LRBA: variants seen among roughly 807,000 people sequenced by gnomAD.
LRBA encodes the protein lipopolysaccharide-responsive and beige-like anchor protein.
In LRBA, 176 loss-of-function variants were observed where a neutral mutation model predicts 330.0. The observed-to-expected ratio is 0.53, with a 90% CI of 0.47 to 0.60. The LOEUF is 0.60. Ranked by LOEUF, LRBA falls within the 20% of genes least tolerant of loss-of-function variation. The pLI, the probability that LRBA is intolerant of heterozygous loss-of-function variation, is 0.00. For synonymous variants in LRBA, 1,230 were observed against 1,193.0 expected, an observed-to-expected ratio of 1.03 and a Z score of -0.64; for missense variants, 3,259 against 3,444.8, an observed-to-expected ratio of 0.95 and a Z score of 1.35.
chr4:150,908,999 A>G, intron 9 of LRBA, 142 bp from the exon 10 acceptor site: 1 of 560,026 alleles, frequency 1.8e-6, no homozygotes, highest in South Asian at 2.9e-5. Flanking sequence ...GTTTACTTCT[A>G]AAATTGGCTG....
At chr4:150,510,425 G>A (rs1761694697) in intron 40 of LRBA, among the ~76,000 whole-genome samples, 1 of 152,104 alleles carries the variant, frequency 6.6e-6, no homozygotes, top group South Asian at 2.1e-4. Flanking sequence ...TAAGTAAAAA[G>A]GCAGTCTGCA....
In LRBA at chr4:150,780,570, A is replaced by G. The variant is rs557378125; in HGVS notation, c.5580+17511T>C. On this transcript the variant is annotated intron_variant, in intron 34 of 56. Coordinates refer to ENST00000651943, the MANE Select transcript of LRBA (RefSeq NM_001364905.1). Reference sequence around the variant, plus strand: ...ACTCAGTAACTCTTATCAAATATTTATCAATGTTCTCAATGAGACAATAGC... The same window carrying G: ...ACTCAGTAACTCTTATCAAATATTTGTCAATGTTCTCAATGAGACAATAGC... Among the ~76,000 whole-genome samples, 12 of 25,950 alleles carry G rather than the reference A, an allele frequency of 4.6e-4. No homozygotes were observed. In the East Asian group the frequency reaches 5.4e-3, roughly 12 times the overall value. 17.0% of individuals were successfully genotyped at this position (25,950 alleles called of 152,430 possible).
At chr4:150,929,128 T>C in intron 2 of LRBA, 63 bp from the exon 3 acceptor site, 1 of 975,478 alleles carries the variant, frequency 1.0e-6, no homozygotes, top group Non-Finnish European at 1.6e-6. Context: ...CTATAGCATG[T>C]TCCTAAACAT....
chr4:150,756,521 T>C (rs1161859732), intron 35 of LRBA, among the ~76,000 whole-genome samples: 1 of 152,090 alleles, frequency 6.6e-6, no homozygotes, highest in Non-Finnish European at 1.5e-5. Context: ...AAGAATTGAG[T>C]TGAAAAATGT....
intron 37 of LRBA, among the ~76,000 whole-genome samples, chr4:150,664,128 G>T (rs1218788298): frequency 6.6e-6 from 1 of 152,202 alleles, no homozygotes; most frequent in Non-Finnish European, 1.5e-5. Flanking sequence ...CAATGAAGTG[G>T]TTTTAATAAT....
At chr4:150,858,381 T>C (rs1451806372) in intron 22 of LRBA, among the ~76,000 whole-genome samples, 1 of 151,668 alleles carries the variant, frequency 6.6e-6, no homozygotes, top group Non-Finnish European at 1.5e-5. Flanking sequence ...CTCTCTCTTT[T>C]TCTTTTTTTT....
At chr4:150,842,589 AG>A (rs947909145) in intron 28 of LRBA, among the ~76,000 whole-genome samples, 2 of 152,252 alleles carry the variant, frequency 1.3e-5, no homozygotes, top group African/African-American at 4.8e-5. Context: ...CCACATTCAA[AG>A]GATTCCAGGG....
intron 37 of LRBA, among the ~76,000 whole-genome samples, chr4:150,649,512 A>C (rs1303459088): frequency 6.6e-6 from 1 of 152,118 alleles, no homozygotes; most frequent in Non-Finnish European, 1.5e-5. Context: ...TCACACTTTG[A>C]TCTATAACTC....
chr4:150,350,233 A>G, intron 47 of LRBA, 74 bp from the exon 48 acceptor site: 1 of 1,197,016 alleles, frequency 8.4e-7, no homozygotes, highest in East Asian at 2.7e-5. Flanking sequence ...TAGAGCAATC[A>G]GTAAAGTTTA....
At chr4:150,401,323 A>G (rs372601878) in intron 47 of LRBA, among the ~76,000 whole-genome samples, 1 of 152,240 alleles carries the variant, frequency 6.6e-6, no homozygotes, top group Non-Finnish European at 1.5e-5. Context: ...TTCACTTAAC[A>G]TTGTCAACAG....
At chr4:150,291,721 G>A (rs1728321622) in intron 53 of LRBA, among the ~76,000 whole-genome samples, 1 of 143,454 alleles carries the variant, frequency 7.0e-6, no homozygotes. Context: ...TCCCATTACT[G>A]GGTATATACC....
intron 40 of LRBA, chr4:150,581,753 T>C: frequency 6.5e-6 from 1 of 153,216 alleles, no homozygotes; most frequent in South Asian, 2.1e-4. Context: ...TTTACCCTGT[T>C]TCTTTATCAA....
At chr4:150,376,791 G>A (rs541788775) in intron 47 of LRBA, among the ~76,000 whole-genome samples, 1 of 152,214 alleles carries the variant, frequency 6.6e-6, no homozygotes, top group Admixed American at 6.5e-5. Flanking sequence ...GGGTGTTTTT[G>A]TTTTGTTTTG....
chr4:150,429,872 G>C (rs1461900952), intron 46 of LRBA, among the ~76,000 whole-genome samples: 6 of 151,970 alleles, frequency 3.9e-5, no homozygotes, highest in Admixed American at 3.9e-4. Context: ...GCTAACTAAA[G>C]AACTATGTCT....
rs1262655894 is a variant in LRBA at position 150,264,675 on chromosome 4, AATTT to A, written c.*1043_*1046del. On this transcript the variant is annotated 3_prime_UTR_variant, in exon 57 of 57. Coordinates refer to ENST00000651943, the MANE Select transcript of LRBA (RefSeq NM_001364905.1). ...AGATCAAAGTTCACAACATACAAAGAATTTATTTATGCAATACAGGCCTTTTCTC... is the reference window on the plus strand; with the variant it reads ...AGATCAAAGTTCACAACATACAAAGAATTTATGCAATACAGGCCTTTTCTC... 2 of 152,668 alleles carry A rather than the reference AATTT, an allele frequency of 1.3e-5. No homozygotes were observed. The highest frequency in any genetic ancestry group is 2.9e-5 in the Non-Finnish European group (2 of 68,038). 9.5% of individuals were successfully genotyped at this position (152,668 alleles called of 1,614,324 possible).
intron 12 of LRBA, 128 bp downstream of exon 12, chr4:150,906,169 T>C (rs1368824733): frequency 5.0e-6 from 4 of 805,244 alleles, no homozygotes; most frequent in East Asian, 2.5e-5. Context: ...AACAAAATGT[T>C]ATTTTAGTTT....
chr4:150,431,934 G>A (rs1361018023), intron 46 of LRBA, among the ~76,000 whole-genome samples: 2 of 152,000 alleles, frequency 1.3e-5, no homozygotes, highest in Non-Finnish European at 2.9e-5. Context: ...GTAAAAAAAG[G>A]TCTCTTCTTT....
intron 2 of LRBA, among the ~76,000 whole-genome samples, chr4:150,969,718 C>A (rs1369353030): frequency 1.3e-5 from 2 of 152,202 alleles, no homozygotes; most frequent in African/African-American, 4.8e-5. Context: ...TATCCACCCA[C>A]CTCAGCCTCC....
rs548964983 is a variant in LRBA, at chr4:150,838,715, T to C, written c.4569+5385A>G. Among the ~76,000 whole-genome samples the C allele has an allele frequency of 2.0e-5, 3 of 152,176 alleles. No individual in the cohort carries two copies. In the South Asian group the frequency reaches 6.2e-4, roughly 31 times the overall value. ...GTCTAATCTTTTTTCAAGGTTTTCA[T>C]AGCTTCTTTTGGATGGGTTCAAACT... On this transcript the variant is annotated intron_variant, in intron 28 of 56. Coordinates refer to ENST00000651943, the MANE Select transcript of LRBA (RefSeq NM_001364905.1).
Sources: gnomAD v4.1 joint callset for allele counts (sites outside exome capture counted in the v4.1 genomes callset) on GRCh38, gnomAD v4.1.1 for gene constraint, MANE v1.5 for transcripts, NCBI Gene and HGNC (gene_info 2026-07-23, HGNC 2026-07-21) for gene names.